The following TEX36 variants were observed in gnomAD, a reference collection of about 807,000 sequenced individuals.
TEX36 encodes testis expressed 36.
Under a neutral mutation model 13.6 loss-of-function variants are expected in TEX36, and 12 were observed. The ratio of observed to expected loss-of-function variants is 0.88; its 90% CI spans 0.56 to 1.43. The LOEUF is 1.43. TEX36 is among the 40% of genes most tolerant of loss of function. The pLI, the probability that TEX36 is intolerant of heterozygous loss-of-function variation, is 0.00. For missense variants in TEX36, 224 were observed against 228.3 expected, an observed-to-expected ratio of 0.98 and a Z score of 0.12; for synonymous variants, 93 against 83.0, an observed-to-expected ratio of 1.12 and a Z score of -0.65.
At chr10:125,590,629 T>A (rs577427481) in intron 3 of TEX36, among the ~76,000 whole-genome samples, 219 of 152,300 alleles carry the variant, frequency 1.4e-3, no homozygotes, top group African/African-American at 5.0e-3. Context: ...TGGAAGTCCA[T>A]GTCAATAATG....
intron 3 of TEX36, among the ~76,000 whole-genome samples, chr10:125,659,914 T>C (rs1343074964): frequency 6.6e-6 from 1 of 152,214 alleles, no homozygotes; most frequent in African/African-American, 2.4e-5. Context: ...CTAATAGGTT[T>C]CCCTGTGCTG....
At chr10:125,597,114 T>C (rs1346188006) in intron 3 of TEX36, among the ~76,000 whole-genome samples, 2 of 152,206 alleles carry the variant, frequency 1.3e-5, no homozygotes, top group Non-Finnish European at 2.9e-5. Context: ...GAGTGACTGT[T>C]GACTTCACCA....
rs942034669 is a variant in TEX36 at position 125,661,895 on chromosome 10, G to C, written c.134C>G (p.Pro45Arg). Residue 45 changes from proline (P) to arginine (R), a missense_variant, in exon 2 of 4, where the codon CCT (proline) becomes CGT (arginine). Coordinates refer to ENST00000368821, the MANE Select transcript of TEX36 (RefSeq NM_001128202.3). ...TSKEPQSPHL[P>R]RQAEGKLPPI... ...CGGCAGCTTCCCCTCCGCTTGCCGA[G>C]GCAAGTGTGGACTCTGGGGCTCTTT... 3 of 1,552,136 alleles carry C rather than the reference G, an allele frequency of 1.9e-6. No individual in the cohort carries two copies. The highest frequency in any genetic ancestry group is 2.6e-6 in the Non-Finnish European group (3 of 1,147,124).
At chr10:125,678,545 G>C (rs9422802) in intron 1 of TEX36, among the ~76,000 whole-genome samples, 1,631 of 152,308 alleles carry the variant, frequency 0.011, 28 homozygotes, top group African/African-American at 0.036. Flanking sequence ...AGCAATGAAC[G>C]AGGCAGGTGG....
chr10:125,603,850 C>T (rs1211495773), intron 3 of TEX36, among the ~76,000 whole-genome samples: 3 of 152,064 alleles, frequency 2.0e-5, no homozygotes, highest in African/African-American at 7.2e-5. Flanking sequence ...GCAAAGTGCC[C>T]CATGTCACCA....
chr10:125,673,653 T>C (rs1236892398), intron 1 of TEX36, among the ~76,000 whole-genome samples: 1 of 136,006 alleles, frequency 7.4e-6, no homozygotes, highest in African/African-American at 2.8e-5. Context: ...GAGGTGGCAG[T>C]GAGCCAAGAT....
At chr10:125,618,664 G>A (rs550280827), downstream of TEX36, among the ~76,000 whole-genome samples, 3 of 152,110 alleles carry the variant, frequency 2.0e-5, no homozygotes, top group East Asian at 5.8e-4. Flanking sequence ...CCACAGCCTA[G>A]GTTCCTGATA....
chr10:125,614,039 G>T (rs1240861052), intron 3 of TEX36, among the ~76,000 whole-genome samples: 1 of 152,222 alleles, frequency 6.6e-6, no homozygotes, highest in African/African-American at 2.4e-5. Context: ...CAGTGATGGT[G>T]AGCATTTTTT....
chr10:125,675,986 A>G (rs1847304231), intron 1 of TEX36, among the ~76,000 whole-genome samples: 1 of 152,244 alleles, frequency 6.6e-6, no homozygotes, highest in Admixed American at 6.5e-5. Flanking sequence ...GAAGATATGT[A>G]ATGACTTTAA....
chr10:125,610,550 G>A (rs969845771), intron 3 of TEX36, among the ~76,000 whole-genome samples: 11 of 142,856 alleles, frequency 7.7e-5, no homozygotes, highest in Admixed American at 3.4e-4. Flanking sequence ...GAAGAAGCTC[G>A]GTTTCAAATG....
chr10:125,649,172 T>G (rs140589641), intron 3 of TEX36, among the ~76,000 whole-genome samples: 2,675 of 152,186 alleles, frequency 0.018, 93 homozygotes, highest in African/African-American at 0.062. Context: ...AAGATACTCC[T>G]CGAGAAGTGC....
intron 1 of TEX36, among the ~76,000 whole-genome samples, chr10:125,662,573 T>C (rs1847063309): frequency 6.6e-6 from 1 of 151,860 alleles, no homozygotes; most frequent in South Asian, 2.1e-4. Context: ...CCTTGCAATC[T>C]CCCAACAAAA....
intron 1 of TEX36, among the ~76,000 whole-genome samples, chr10:125,673,980 T>C (rs1847272771): frequency 6.6e-6 from 1 of 152,160 alleles, no homozygotes; most frequent in Non-Finnish European, 1.5e-5. Context: ...CTTTTTAGGT[T>C]GGGGAAGTTC....
intron 3 of TEX36, among the ~76,000 whole-genome samples, chr10:125,636,386 A>T (rs535622110): frequency 0.063 from 9,046 of 144,730 alleles, 880 homozygotes; most frequent in African/African-American, 0.21. Flanking sequence ...TTTTTTTTTT[A>T]TATATTTTTA....
At chr10:125,604,257 C>T (rs937699225) in intron 3 of TEX36, among the ~76,000 whole-genome samples, 10 of 152,316 alleles carry the variant, frequency 6.6e-5, no homozygotes, top group Middle Eastern at 3.4e-3. Flanking sequence ...GACAGCCCCT[C>T]CCCATCACTT....
At chr10:125,609,304 AT>A (rs1467767783) in intron 3 of TEX36, among the ~76,000 whole-genome samples, 1 of 152,174 alleles carries the variant, frequency 6.6e-6, no homozygotes, top group African/African-American at 2.4e-5. Context: ...GTGAAATGGA[AT>A]CACATTATGG....
chr10:125,606,886 T>G lies in TEX36; in HGVS notation c.265-30012A>C, dbSNP rs75031605. Among the ~76,000 whole-genome samples the G allele has an allele frequency of 7.9e-3, 1,210 of 152,276 alleles. 7 individuals carry two copies. Among genetic ancestry groups the G allele is most frequent in the Middle Eastern group, 0.027 (8 of 294 alleles). ...AGCCGTCTCAGATGTGCTATACGTA[T>G]TCTCATTAGTCATATACTTGCAAGG... On this transcript the variant is annotated intron_variant, in intron 3 of 3. Coordinates refer to the TEX36 transcript ENST00000532135.
intron 3 of TEX36, among the ~76,000 whole-genome samples, chr10:125,605,727 G>T (rs1378975897): frequency 6.6e-6 from 1 of 151,974 alleles, no homozygotes; most frequent in South Asian, 2.1e-4. Context: ...TCAGCCTACC[G>T]AGTAGCTGGG....
chr10:125,590,773 G>C (rs912874954), intron 3 of TEX36, among the ~76,000 whole-genome samples: 2 of 152,136 alleles, frequency 1.3e-5, no homozygotes, highest in Non-Finnish European at 2.9e-5. Context: ...TTTACTTTGT[G>C]TTGATCTTTT....
Sources: allele counts gnomAD v4.1 joint callset (sites outside exome capture counted in the v4.1 genomes callset), GRCh38; gene constraint gnomAD v4.1.1; transcripts MANE v1.5; gene names NCBI Gene and HGNC (gene_info 2026-07-23, HGNC 2026-07-21).